ERC1: variants seen among roughly 807,000 people sequenced by gnomAD.
The protein encoded by ERC1 is RAB6 interacting protein 2.
In ERC1, 56 loss-of-function variants were observed where a neutral mutation model predicts 132.0. The ratio of observed to expected loss-of-function variants is 0.42; its 90% confidence interval spans 0.34 to 0.53. The LOEUF (loss-of-function observed/expected upper bound fraction) is 0.53. Ranked by LOEUF, ERC1 falls within the 20% of genes least tolerant of loss-of-function variation. The pLI is 0.03. For synonymous variants in ERC1, 478 were observed against 476.1 expected (o/e 1.00, Z -0.05); for missense variants, 1,202 against 1,349.9 (o/e 0.89, Z 1.72).
intron 16 of ERC1, among the ~76,000 whole-genome samples, chr12:1,394,071 C>T (rs2090280210): frequency 7.3e-6 from 1 of 137,348 alleles, no homozygotes; most frequent in Non-Finnish European, 1.6e-5. Context: ...AATTTAATTT[C>T]TGTATATTTA....
chr12:1,405,470 A>C (rs1407969797), intron 16 of ERC1, among the ~76,000 whole-genome samples: 1 of 151,996 alleles, frequency 6.6e-6, no homozygotes, highest in Non-Finnish European at 1.5e-5. Context: ...TTGGGAGGCC[A>C]AAGCAGGCGG....
Position 1,491,997 on chromosome 12 carries a change from T to G in ERC1, c.*1767T>G, listed in dbSNP as rs1252185840. The G allele has an allele frequency of 8.6e-6, 2 of 232,866 alleles. No individual in the cohort carries two copies. The highest frequency in any genetic ancestry group is 1.7e-5 in the Non-Finnish European group (2 of 117,852). The allele number at this position is 232,866 out of a possible 1,614,324, so 14.4% of individuals were successfully genotyped here. ...CCACTTACTCAGAGAATTTAAAGTCTGTAGAGTCAGCACAGCCCCATCAGT... is the reference window on the plus strand; with the variant it reads ...CCACTTACTCAGAGAATTTAAAGTCGGTAGAGTCAGCACAGCCCCATCAGT... On this transcript the variant is annotated 3_prime_UTR_variant, in exon 19 of 19. Transcript: ENST00000360905.
chr12:1,410,229 T>A (rs1329993005), intron 17 of ERC1, among the ~76,000 whole-genome samples: 1 of 152,266 alleles, frequency 6.6e-6, no homozygotes, highest in African/African-American at 2.4e-5. Flanking sequence ...CAACATTAAC[T>A]ACTAATTTTG....
At chr12:1,424,977 G>A (rs991555004) in intron 17 of ERC1, among the ~76,000 whole-genome samples, 1 of 152,162 alleles carries the variant, frequency 6.6e-6, no homozygotes, top group African/African-American at 2.4e-5. Flanking sequence ...TGTCAGAGTG[G>A]CTTGAGACCT....
intron 2 of ERC1, among the ~76,000 whole-genome samples, chr12:1,067,748 A>C (rs1216286467): frequency 6.6e-6 from 1 of 152,172 alleles, no homozygotes; most frequent in Admixed American, 6.5e-5. Flanking sequence ...CTGTCTTTGT[A>C]GTTCTCTTGC....
chr12:1,411,996 T>C (rs1284360204), intron 17 of ERC1, among the ~76,000 whole-genome samples: 1 of 152,240 alleles, frequency 6.6e-6, no homozygotes, highest in African/African-American at 2.4e-5. Flanking sequence ...TATCGCACTA[T>C]TGAGCATATT....
chr12:1,039,355 AAAATAAATAAAT>A (rs1555211059), intron 2 of ERC1, among the ~76,000 whole-genome samples: 1 of 147,354 alleles, frequency 6.8e-6, no homozygotes, highest in Non-Finnish European at 1.5e-5. Flanking sequence ...AAAAAAAATA[AAAATAAATAAAT>A]AAATAAATAA....
At chr12:1,225,292 C>T (rs1408117823) in intron 12 of ERC1, among the ~76,000 whole-genome samples, 2 of 151,632 alleles carry the variant, frequency 1.3e-5, no homozygotes, top group Admixed American at 6.6e-5. Flanking sequence ...GGTGCTGTCT[C>T]TACAAAAATT....
intron 2 of ERC1, among the ~76,000 whole-genome samples, chr12:1,056,974 G>T (rs578060951): frequency 6.6e-6 from 1 of 152,184 alleles, no homozygotes; most frequent in Non-Finnish European, 1.5e-5. Flanking sequence ...ACAAAATCTA[G>T]AATTTGTTGC....
At position 1,343,849 on chromosome 12, in the gene ERC1, AT is replaced by A. The variant is rs143481650; in HGVS notation, c.2781-27972del. Among the ~76,000 whole-genome samples the A allele has an allele frequency of 7.3e-4, 108 of 148,144 alleles. 1 individual carries two copies. Among genetic ancestry groups the A allele is most frequent in the Middle Eastern group, 3.5e-3 (1 of 286 alleles). On this transcript the variant is annotated intron_variant, in intron 15 of 18. Transcript: ENST00000360905. ...AATTGTAGATTTCATATGTAAAAACATTTTTTTTTTTTAAGACAGTCTTGCT... is the reference window on the plus strand; with the variant it reads ...AATTGTAGATTTCATATGTAAAAACATTTTTTTTTTTAAGACAGTCTTGCT...
At chr12:1,156,724 T>A (rs1221257561) in intron 8 of ERC1, among the ~76,000 whole-genome samples, 1 of 152,240 alleles carries the variant, frequency 6.6e-6, no homozygotes, top group Non-Finnish European at 1.5e-5. Flanking sequence ...AAATTTCCAC[T>A]GACTTGGTAG....
At chr12:1,444,376 G>A (rs776586140) in intron 17 of ERC1, 186 bp from the exon 18 acceptor site, 13 of 504,728 alleles carry the variant, frequency 2.6e-5, no homozygotes, top group South Asian at 6.3e-5. Flanking sequence ...GTGTGACAGC[G>A]TAAATGTGTG....
At chr12:1,337,213 C>G (rs2083387920) in intron 15 of ERC1, among the ~76,000 whole-genome samples, 1 of 152,034 alleles carries the variant, frequency 6.6e-6, no homozygotes, top group Non-Finnish European at 1.5e-5. Context: ...GAACTTGCTT[C>G]CTGAATCCGG....
intron 13 of ERC1, among the ~76,000 whole-genome samples, chr12:1,255,495 A>G (rs1023044171): frequency 1.3e-5 from 2 of 151,928 alleles, no homozygotes; most frequent in African/African-American, 4.8e-5. Flanking sequence ...TGGTATTTCT[A>G]GTTCTAGATC....
chr12:1,231,968 T>C (rs1209251533), intron 12 of ERC1, among the ~76,000 whole-genome samples: 1 of 152,200 alleles, frequency 6.6e-6, no homozygotes, highest in Non-Finnish European at 1.5e-5. Context: ...TTCGATCTCC[T>C]GACCTCATGA....
intron 1 of ERC1, among the ~76,000 whole-genome samples, chr12:992,817 T>C (rs1959885680): frequency 6.6e-6 from 1 of 152,238 alleles, no homozygotes; most frequent in Admixed American, 6.5e-5. Flanking sequence ...GATGGACATG[T>C]ATTATGTAAT....
intron 12 of ERC1, among the ~76,000 whole-genome samples, chr12:1,202,624 T>C (rs1242594698): frequency 2.0e-5 from 3 of 152,040 alleles, no homozygotes; most frequent in African/African-American, 7.2e-5. Flanking sequence ...GCCACTGCAC[T>C]CTAGCCTAGG....
intron 8 of ERC1, among the ~76,000 whole-genome samples, chr12:1,164,619 C>T (rs535726089): frequency 1.3e-5 from 2 of 152,308 alleles, no homozygotes; most frequent in African/African-American, 4.8e-5. Flanking sequence ...GGATTACAGG[C>T]GTGAGCCACT....
chr12:1,411,953 C>A (rs2091877270), intron 17 of ERC1, among the ~76,000 whole-genome samples: 1 of 152,200 alleles, frequency 6.6e-6, no homozygotes, highest in South Asian at 2.1e-4. Context: ...TTTCCTTTCT[C>A]TACCAAAATA....
Sources: gnomAD v4.1 joint callset for allele counts (sites outside exome capture counted in the v4.1 genomes callset) on GRCh38, gnomAD v4.1.1 for gene constraint, MANE v1.5 for transcripts, NCBI Gene and HGNC (gene_info 2026-07-23, HGNC 2026-07-21) for gene names.